The following COL23A1 variants were observed in gnomAD, a reference collection of about 807,000 sequenced individuals.
COL23A1 encodes collagen type XXIII alpha 1 chain.
In COL23A1, 97 loss-of-function variants were observed where a neutral mutation model predicts 99.3. That is an observed-to-expected ratio of 0.98 (90% CI 0.83 to 1.16). The LOEUF is 1.16. Among genes scored for constraint, COL23A1 ranks in the 50% most tolerant of loss-of-function variants. The pLI is 0.00. For missense variants in COL23A1, 762 were observed against 757.4 expected, an observed-to-expected ratio of 1.01 and a Z score of -0.07; for synonymous variants, 320 against 308.2, an observed-to-expected ratio of 1.04 and a Z score of -0.40.
intron 2 of COL23A1, among the ~76,000 whole-genome samples, chr5:178,522,679 C>T (rs910277994): frequency 3.3e-5 from 5 of 152,184 alleles, no homozygotes; most frequent in African/African-American, 4.8e-5. Flanking sequence ...GCACGATAGA[C>T]GCGCTGTCTG....
intron 2 of COL23A1, among the ~76,000 whole-genome samples, chr5:178,412,109 G>A (rs567632217): frequency 3.9e-5 from 6 of 152,302 alleles, no homozygotes; most frequent in South Asian, 2.1e-4. Flanking sequence ...TGGAAGCAGC[G>A]TAAGTATCGA....
chr5:178,538,086 T>C (rs766901105), intron 2 of COL23A1, among the ~76,000 whole-genome samples: 1 of 152,224 alleles, frequency 6.6e-6, no homozygotes, highest in Non-Finnish European at 1.5e-5. Context: ...ATGGATATGC[T>C]GCATTCTGTT....
chr5:178,585,823 G>A (rs1246931274), intron 1 of COL23A1, among the ~76,000 whole-genome samples: 2 of 81,700 alleles, frequency 2.4e-5, no homozygotes, highest in Non-Finnish European at 3.1e-5. Context: ...GCGGCAACAC[G>A]CCCAGCCTCA....
At chr5:178,518,934 G>A (rs1759781468) in intron 2 of COL23A1, among the ~76,000 whole-genome samples, 1 of 92,970 alleles carries the variant, frequency 1.1e-5, no homozygotes, top group Admixed American at 1.1e-4. Context: ...TCGGGCGGCG[G>A]CGGCTGCGGT....
intron 2 of COL23A1, among the ~76,000 whole-genome samples, chr5:178,332,831 G>T (rs1364439230): frequency 1.3e-5 from 2 of 151,976 alleles, no homozygotes; most frequent in Non-Finnish European, 2.9e-5. Flanking sequence ...CCTATCTAGA[G>T]GGAGTGGCTC....
intron 2 of COL23A1, among the ~76,000 whole-genome samples, chr5:178,518,346 T>TTTCCCGCC (rs1425432425): frequency 6.6e-6 from 1 of 150,710 alleles, no homozygotes; most frequent in Non-Finnish European, 1.5e-5. Flanking sequence ...TTTCCCCACC[T>TTTCCCGCC]TTCCCGCCTT....
chr5:178,501,697 T>C (rs920917539), intron 2 of COL23A1, among the ~76,000 whole-genome samples: 18 of 152,330 alleles, frequency 1.2e-4, no homozygotes. Flanking sequence ...GAGGCTGTGC[T>C]GAGGTACGCC....
At chr5:178,239,205 T>A in intron 27 of COL23A1, 26 bp from the exon 28 acceptor site, 1 of 1,613,744 alleles carries the variant, frequency 6.2e-7, no homozygotes, top group Non-Finnish European at 8.5e-7. Flanking sequence ...GTTTCAGTGA[T>A]GGGGATGGGG....
At chr5:178,405,460 A>C (rs1764712939) in intron 2 of COL23A1, among the ~76,000 whole-genome samples, 1 of 152,248 alleles carries the variant, frequency 6.6e-6, no homozygotes, top group South Asian at 2.1e-4. Context: ...AAACACTTTC[A>C]TTATTAATGC....
chr5:178,398,951 G>A (rs746758883), intron 2 of COL23A1, among the ~76,000 whole-genome samples: 5 of 152,192 alleles, frequency 3.3e-5, no homozygotes, highest in African/African-American at 7.2e-5. Flanking sequence ...GTAAACACAC[G>A]GGTGGAGAGA....
intron 1 of COL23A1, among the ~76,000 whole-genome samples, chr5:178,572,072 C>CAAAAAAAAAAAAAAAAAA (rs57863132): frequency 9.0e-4 from 98 of 109,098 alleles, no homozygotes; most frequent in African/African-American, 1.9e-3. Flanking sequence ...TTTCTCAAAA[C>CAAAAAAAAAAAAAAAAAA]AAAAAAAAAA....
At position 178,355,257 on chromosome 5, in the gene COL23A1, G is replaced by A. The variant is rs114591279; in HGVS notation, c.362-48338C>T. 7.2e-3 allele frequency among the ~76,000 whole-genome samples: 923 copies of A among 128,816 alleles called. 6 individuals carry two copies. The highest frequency in any genetic ancestry group is 0.011 in the Non-Finnish European group (636 of 59,422). 84.5% of individuals were successfully genotyped at this position (128,816 alleles called of 152,430 possible). A position where few individuals can be genotyped will look rare whatever the true frequency, so the allele number is the denominator to read the frequency against. ...GATCACACCACTGCTCTCCAGTCTG[G>A]GCCACAAAGAACCTCAAATAAAATA... is the stretch of plus-strand genomic sequence containing the variant. On this transcript the variant is annotated intron_variant, in intron 2 of 28. Transcript: ENST00000390654.
At chr5:178,444,775 G>A (rs969767709) in intron 2 of COL23A1, among the ~76,000 whole-genome samples, 22 of 152,140 alleles carry the variant, frequency 1.4e-4, no homozygotes, top group Admixed American at 8.5e-4. Flanking sequence ...CAACCTGGGC[G>A]ACAGAGTGAG....
In COL23A1 at chr5:178,585,393, C is replaced by T. The variant is rs1384456790; in HGVS notation, c.294+4511G>A. Among the ~76,000 whole-genome samples the T allele has an allele frequency of 8.6e-5, 13 of 151,766 alleles. No individual in the cohort carries two copies. In the East Asian group the frequency reaches 1.4e-3, roughly 16 times the overall value. On this transcript the variant is annotated intron_variant, in intron 1 of 28. Transcript: ENST00000390654. Reference sequence around the variant, plus strand: ...CTGACTCTAGGGTAACACTCCGCGGCCCTGACTGATGTGTGGGTAACACTC... The same window carrying T: ...CTGACTCTAGGGTAACACTCCGCGGTCCTGACTGATGTGTGGGTAACACTC...
intron 2 of COL23A1, among the ~76,000 whole-genome samples, chr5:178,362,976 GCAACCCACCCCCACA>G (rs1762256036): frequency 1.5e-5 from 1 of 65,048 alleles, no homozygotes; most frequent in African/African-American, 6.2e-5. Context: ...CACCCCCACA[GCAACCCACCCCCACA>G]GCAACCCACC....
rs1380573728 is a variant in COL23A1 at position 178,306,376 on chromosome 5, A to G, written c.406+499T>C. Among the ~76,000 whole-genome samples the G allele has an allele frequency of 6.6e-6, 1 of 151,804 alleles. No homozygotes were observed. The highest frequency in any genetic ancestry group is 1.5e-5 in the Non-Finnish European group (1 of 67,942). On this transcript the variant is annotated intron_variant, in intron 3 of 28. Coordinates refer to ENST00000390654, the MANE Select transcript of COL23A1 (RefSeq NM_173465.4). The surrounding 1 kb of genome is among the most constrained non-coding windows in gnomAD (Gnocchi z 4.1). Reference sequence around the variant, plus strand: ...ACTGGGTAGGGGGAGTTCTGGGTGAAGCAGAGACAGCAGGAAGGAAGGGTG... The same window carrying G: ...ACTGGGTAGGGGGAGTTCTGGGTGAGGCAGAGACAGCAGGAAGGAAGGGTG...
At chr5:178,475,436 C>A (rs1376239493) in intron 2 of COL23A1, among the ~76,000 whole-genome samples, 2 of 152,066 alleles carry the variant, frequency 1.3e-5, no homozygotes, top group Non-Finnish European at 2.9e-5. Flanking sequence ...AGGCAGAGAC[C>A]CCGAGGCAGA....
Position 178,292,661 on chromosome 5 carries a change from A to C in COL23A1, c.407-2292T>G, listed in dbSNP as rs1289981002. On this transcript the variant is annotated intron_variant, in intron 3 of 28. Coordinates refer to ENST00000390654, the MANE Select transcript of COL23A1 (RefSeq NM_173465.4). ...TGCAGGGGAGAGAGGACAGTGGCTC[A>C]CAGCTGGTGGTGGCAGTGGAAGTGG... Among the ~76,000 whole-genome samples, 6 of 152,290 alleles carry C rather than the reference A, an allele frequency of 3.9e-5. No homozygotes were observed. The East Asian group carries it at 9.7e-4, about 25-fold the overall frequency.
At chr5:178,548,716 G>A (rs972723047) in intron 2 of COL23A1, among the ~76,000 whole-genome samples, 4 of 151,990 alleles carry the variant, frequency 2.6e-5, no homozygotes, top group Non-Finnish European at 5.9e-5. Flanking sequence ...TATATCTCAT[G>A]CATATTAACT....
Sources: allele counts gnomAD v4.1 joint callset (sites outside exome capture counted in the v4.1 genomes callset), GRCh38; gene constraint gnomAD v4.1.1; non-coding constraint Gnocchi (gnomAD v3.1); transcripts MANE v1.5; gene names NCBI Gene and HGNC (gene_info 2026-07-23, HGNC 2026-07-21).